Variants in CSMD1 observed in about 807,000 individuals in gnomAD.
CSMD1 encodes CUB and sushi domain-containing protein 1.
In CSMD1, 213 loss-of-function variants were observed where a neutral mutation model predicts 417.5. The observed-to-expected ratio is 0.51, with a 90% CI of 0.46 to 0.57. The LOEUF is 0.57. Ranked by LOEUF, CSMD1 falls within the 20% of genes least tolerant of loss-of-function variation. CSMD1 has a pLI of 0.00. For synonymous variants in CSMD1, 2,862 were observed against 1,736.8 expected (o/e 1.65, Z -16.11); for missense variants, 6,923 against 4,529.7 (o/e 1.53, Z -15.17).
At chr8:3,801,407 G>T (rs193121079) in intron 5 of CSMD1, among the ~76,000 whole-genome samples, 1 of 152,222 alleles carries the variant, frequency 6.6e-6, no homozygotes, top group East Asian at 1.9e-4. Flanking sequence ...AAACCACAGT[G>T]AGAAAAGCCA....
At chr8:4,254,976 C>G (rs1803353653) in intron 3 of CSMD1, among the ~76,000 whole-genome samples, 1 of 152,190 alleles carries the variant, frequency 6.6e-6, no homozygotes, top group African/African-American at 2.4e-5. Flanking sequence ...TCGACTTTAA[C>G]AGAGCACTAA....
intron 10 of CSMD1, among the ~76,000 whole-genome samples, chr8:3,523,801 G>A (rs912316674): frequency 8.4e-6 from 1 of 119,400 alleles, no homozygotes; most frequent in African/African-American, 3.4e-5. Context: ...ATGCACACAT[G>A]TGCACATACA....
chr8:4,155,946 C>G (rs1328342256), intron 3 of CSMD1, among the ~76,000 whole-genome samples: 1 of 152,158 alleles, frequency 6.6e-6, no homozygotes, highest in Non-Finnish European at 1.5e-5. Context: ...TGTTCTGCAG[C>G]TGCACATTTT....
At chr8:3,232,592 G>C (rs1295646220) in intron 26 of CSMD1, among the ~76,000 whole-genome samples, 1 of 152,078 alleles carries the variant, frequency 6.6e-6, no homozygotes, top group Non-Finnish European at 1.5e-5. Flanking sequence ...CAAATGACAT[G>C]GGCTGCTATG....
intron 3 of CSMD1, among the ~76,000 whole-genome samples, chr8:4,032,875 T>C (rs1458199762): frequency 1.3e-5 from 2 of 152,010 alleles, no homozygotes; most frequent in African/African-American, 4.8e-5. Context: ...AAAAACTAGG[T>C]CAGGCCGTGG....
intron 5 of CSMD1, among the ~76,000 whole-genome samples, chr8:3,926,107 A>AC (rs1554488654): frequency 2.0e-4 from 13 of 65,286 alleles, no homozygotes; most frequent in African/African-American, 8.4e-4. Context: ...ACACACACAC[A>AC]CACACACACA....
At chr8:4,703,057 T>C (rs1048688172) in intron 1 of CSMD1, among the ~76,000 whole-genome samples, 2 of 152,218 alleles carry the variant, frequency 1.3e-5, no homozygotes, top group Non-Finnish European at 2.9e-5. Flanking sequence ...AGTTTAGGGT[T>C]AAGCAAATTA....
intron 3 of CSMD1, among the ~76,000 whole-genome samples, chr8:4,286,082 A>G (rs1797041747): frequency 6.6e-6 from 1 of 152,146 alleles, no homozygotes; most frequent in Non-Finnish European, 1.5e-5. Flanking sequence ...CAGCTGGAGA[A>G]ATACACATTA....
intron 3 of CSMD1, among the ~76,000 whole-genome samples, chr8:4,371,964 CA>C (rs1802424079): frequency 1.3e-5 from 2 of 152,170 alleles, no homozygotes; most frequent in South Asian, 4.1e-4. Context: ...AATATAAACT[CA>C]TTGCCGTGAT....
chr8:4,305,024 T>C (rs1200767028), intron 3 of CSMD1, among the ~76,000 whole-genome samples: 1 of 152,148 alleles, frequency 6.6e-6, no homozygotes, highest in Non-Finnish European at 1.5e-5. Context: ...AACACACAGT[T>C]CCCCACGTTA....
intron 6 of CSMD1, among the ~76,000 whole-genome samples, chr8:3,723,768 A>G (rs1459033895): frequency 6.6e-6 from 1 of 152,226 alleles, no homozygotes; most frequent in African/African-American, 2.4e-5. Context: ...AACATTTGAA[A>G]GAGATGCATA....
At chr8:3,053,481 G>A (rs933631584) in intron 49 of CSMD1, among the ~76,000 whole-genome samples, 86 of 152,108 alleles carry the variant, frequency 5.7e-4, no homozygotes, top group Non-Finnish European at 1.0e-3. Flanking sequence ...AAAGCCCCAG[G>A]AAGTTCTGTT....
At chr8:4,351,533 T>C (rs1317574408) in intron 3 of CSMD1, among the ~76,000 whole-genome samples, 4 of 152,194 alleles carry the variant, frequency 2.6e-5, no homozygotes, top group African/African-American at 9.6e-5. Context: ...GTGAGATTCA[T>C]GGAGGTAGAA....
chr8:3,867,306 C>G (rs902317023), intron 5 of CSMD1, among the ~76,000 whole-genome samples: 4 of 152,160 alleles, frequency 2.6e-5, no homozygotes, highest in African/African-American at 9.7e-5. Flanking sequence ...CATGACCAGT[C>G]TAATGATTAC....
chr8:3,092,115 C>T (rs79682368), intron 47 of CSMD1, among the ~76,000 whole-genome samples: 66 of 152,024 alleles, frequency 4.3e-4, no homozygotes, highest in Non-Finnish European at 7.9e-4. Flanking sequence ...AGCACATGTA[C>T]GCAAGTATTA....
intron 37 of CSMD1, among the ~76,000 whole-genome samples, chr8:3,175,870 C>A (rs569510115): frequency 2.6e-5 from 4 of 152,116 alleles, no homozygotes; most frequent in Non-Finnish European, 5.9e-5. Context: ...AAAAAGTAAC[C>A]TTTTAAGAAA....
chr8:4,355,898 GTC>G (rs1333296767), intron 3 of CSMD1, among the ~76,000 whole-genome samples: 1 of 151,246 alleles, frequency 6.6e-6, no homozygotes, highest in African/African-American at 2.4e-5. Context: ...GCGCAGGTGA[GTC>G]TCATGATTTG....
chr8:3,472,337 C>G (rs1817154920), intron 11 of CSMD1, among the ~76,000 whole-genome samples: 1 of 152,098 alleles, frequency 6.6e-6, no homozygotes, highest in African/African-American at 2.4e-5. Context: ...TAAGTGTGTA[C>G]TTTCTGAAAC....
chr8:4,747,861 G>C (rs1811057116), intron 1 of CSMD1, among the ~76,000 whole-genome samples: 2 of 152,190 alleles, frequency 1.3e-5, no homozygotes, highest in Non-Finnish European at 2.9e-5. Context: ...TCTCTTTTCT[G>C]TCATAACACG....
Sources: gnomAD v4.1 joint callset for allele counts (sites outside exome capture counted in the v4.1 genomes callset) on GRCh38, gnomAD v4.1.1 for gene constraint, MANE v1.5 for transcripts, NCBI Gene and HGNC (gene_info 2026-07-23, HGNC 2026-07-21) for gene names.